Variants in LAMA5 observed in about 807,000 individuals in gnomAD.
LAMA5 encodes laminin subunit alpha-5.
LAMA5 carries 260 observed loss-of-function variants against 433.4 expected under a neutral mutation model. The ratio of observed to expected loss-of-function variants is 0.60; its 90% CI spans 0.54 to 0.66. The LOEUF (loss-of-function observed/expected upper bound fraction) is 0.66. LAMA5 is among the 30% of genes least tolerant of loss of function. The pLI, the probability that LAMA5 is intolerant of heterozygous loss-of-function variation, is 0.00. For synonymous variants in LAMA5, 2,620 were observed against 2,226.6 expected (o/e 1.18, Z -4.97); for missense variants, 5,378 against 5,258.5 (o/e 1.02, Z -0.70).
rs760609224 is a variant in LAMA5 at position 62,362,528 on chromosome 20, C to T, written c.322G>A (p.Ala108Thr). ...GGGTGTGCCTTGTTGCTGTTGGCAG[C>T]CGTGCAGATGTCACAGTACTGGCCC... ...IRGQYCDICT[A>T]ANSNKAHPAS... is the part of the protein sequence containing the mutation. Residue 108 changes from alanine to threonine, a missense_variant, in exon 2 of 80, where the codon GCT (alanine) becomes ACT (threonine). Physicochemically the swap from Ala to Thr is moderately conservative, Grantham distance 58. Transcript: ENST00000252999. 2 of 1,598,038 alleles carry T rather than the reference C, an allele frequency of 1.3e-6. No individual in the cohort carries two copies. Among genetic ancestry groups the T allele is most frequent in the East Asian group, 2.3e-5 (1 of 44,024 alleles).
chr20:62,317,657 C>G lies in LAMA5; in HGVS notation c.7356+5G>C. On this transcript the variant is annotated splice_donor_5th_base_variant and intron_variant, in intron 54 of 79. Transcript: ENST00000252999. ...GTGGCGACAGGGGCCAGGGGCTGCA[C>G]TCACCTCCTTAGCCTGGTCCAGGCT... 6.4e-7 allele frequency: 1 copy of G among 1,566,478 alleles called. No homozygotes were observed. The highest frequency in any genetic ancestry group is 8.7e-7 in the Non-Finnish European group (1 of 1,155,558).
At position 62,352,432 on chromosome 20, in the gene LAMA5, C is replaced by G. The variant is rs559623933; in HGVS notation, c.569-72G>C. ...CTGGGTCCCCGCGGTGCCCGGGCCC[C>G]TTGACGTCTCCGGGCCTTGCCACTG... On this transcript the variant is annotated intron_variant, in intron 3 of 79. Coordinates refer to ENST00000252999, the MANE Select transcript of LAMA5 (RefSeq NM_005560.6). The G allele has an allele frequency of 1.1e-4, 123 of 1,154,802 alleles. No individual in the cohort carries two copies. The African/African-American group carries it at 1.8e-3, about 17-fold the overall frequency. 71.5% of individuals were successfully genotyped at this position (1,154,802 alleles called of 1,614,324 possible). A position where few individuals can be genotyped will look rare whatever the true frequency, so the allele number is the denominator to read the frequency against.
At position 62,320,893 on chromosome 20, in the gene LAMA5, G is replaced by A. The variant is rs576759483; in HGVS notation, c.6497-3C>T. The A allele has an allele frequency of 1.7e-5, 27 of 1,604,126 alleles. No individual in the cohort carries two copies. The Middle Eastern group carries it at 8.3e-4, about 49-fold the overall frequency. On this transcript the variant is annotated splice_region_variant and splice_polypyrimidine_tract_variant and intron_variant, in intron 48 of 79. Transcript: ENST00000252999. The stretch of plus-strand genomic sequence containing the variant: ...CAGGACCACACAGTGGTCACACACT[G>A]CAGGCGATGTGGGGTCACAGGTCAG...
rs1329239575 is a variant in LAMA5 at position 62,352,002 on chromosome 20, C to T, written c.765G>A (p.Lys255=). The part of the protein sequence containing the change: ...SYSPLLREFT[K]ATNVRLRFLR... ...GGAAGCGCAGGCGGACGTTGGTGGC[C>T]TTGGTGAACTCACGTAGCAGCGGCG... The change falls in exon 5 of 80, where the codon AAG becomes AAA. Residue 255 remains lysine, a synonymous_variant. Coordinates refer to ENST00000252999, the MANE Select transcript of LAMA5 (RefSeq NM_005560.6). 10 of 1,612,682 alleles carry T rather than the reference C, an allele frequency of 6.2e-6. No homozygotes were observed. The highest frequency in any genetic ancestry group is 8.5e-6 in the Non-Finnish European group (10 of 1,179,940).
chr20:62,325,132 AC>A, intron 41 of LAMA5, 183 bp downstream of exon 41: 1 of 570,382 alleles, frequency 1.8e-6, no homozygotes, highest in Non-Finnish European at 3.1e-6. Flanking sequence ...GGGCAGGCAG[AC>A]AGGCAGCAGG....
chr20:62,320,221 G>A (rs1442417256), intron 50 of LAMA5, among the ~76,000 whole-genome samples: 1 of 150,722 alleles, frequency 6.6e-6, no homozygotes, highest in East Asian at 2.0e-4. Flanking sequence ...AGGAGGCTGA[G>A]GCAGGAGAAT....
chr20:62,332,249 G>A, intron 28 of LAMA5, 123 bp downstream of exon 28: 1 of 689,874 alleles, frequency 1.4e-6, no homozygotes, highest in Non-Finnish European at 2.6e-6. Context: ...TGCTGGGCTG[G>A]GCATGAGCGA....
rs1979106934 is a variant in LAMA5, at chr20:62,325,392, G to A, written c.5453C>T (p.Pro1818Leu). The part of the protein sequence containing the change: ...LRRVALEVAS[P>L]AGQGALASNV... Reference sequence around the variant, plus strand: ...GCTGGCCAGGGCCCCCTGGCCTGCTGGGCTGGCCACCTCCAGTGCCACCCT... The same window carrying A: ...GCTGGCCAGGGCCCCCTGGCCTGCTAGGCTGGCCACCTCCAGTGCCACCCT... Residue 1818 changes from proline to leucine, a missense_variant, in exon 41 of 80, where the codon CCA becomes CTA. Pro to Leu is a moderately conservative substitution (Grantham distance 98, BLOSUM62 -3). Transcript: ENST00000252999. 1 of 1,611,600 alleles carries A rather than the reference G, an allele frequency of 6.2e-7. No homozygotes were observed. The highest frequency in any genetic ancestry group is 1.3e-5 in the African/African-American group (1 of 74,890).
At chr20:62,320,232 C>T (rs1050930219) in intron 50 of LAMA5, among the ~76,000 whole-genome samples, 4 of 145,698 alleles carry the variant, frequency 2.7e-5, no homozygotes, top group African/African-American at 7.6e-5. Flanking sequence ...GCAGGAGAAT[C>T]GCTTGAACCC....
chr20:62,365,543 C>A (rs1243117774), intron 1 of LAMA5, among the ~76,000 whole-genome samples: 1 of 152,200 alleles, frequency 6.6e-6, no homozygotes, highest in East Asian at 1.9e-4. Context: ...CCTGGAGCCT[C>A]CCCTGCCAGA....
Position 62,367,215 on chromosome 20 carries a change from G to A in LAMA5, c.31C>T (p.Leu11=). The A allele has an allele frequency of 8.3e-7, 1 of 1,210,876 alleles. No individual in the cohort carries two copies. The highest frequency in any genetic ancestry group is 3.3e-5 in the South Asian group (1 of 30,418). 75.0% of individuals were successfully genotyped at this position (1,210,876 alleles called of 1,614,324 possible). MAKRLCAGSA[L]CVRGPRGPAP... ...GGGCCCCGGGGGCCGCGAACACACA[G>A]TGCGCTCCCCGCGCAGAGCCGCTTC... Residue 11 remains leucine, a synonymous_variant, in exon 1 of 80, where the codon CTG becomes TTG. Transcript: ENST00000252999.
rs776258739 is a variant in LAMA5, at chr20:62,362,359, C to A, written c.450+41G>T. ...CCAAGGTAGGCCCGACGGGCACAGACACAGAGATGGGGGCTGCAGCACGCA... is the reference window on the plus strand; with the variant it reads ...CCAAGGTAGGCCCGACGGGCACAGAAACAGAGATGGGGGCTGCAGCACGCA... On this transcript the variant is annotated intron_variant, in intron 2 of 79. Transcript: ENST00000252999. 3 of 1,431,826 alleles carry A rather than the reference C, an allele frequency of 2.1e-6. No individual in the cohort carries two copies. In the South Asian group the frequency reaches 4.7e-5, roughly 23 times the overall value. 88.7% of individuals were successfully genotyped at this position (1,431,826 alleles called of 1,614,324 possible).
chr20:62,310,740 CT>C lies in LAMA5; in HGVS notation c.10370del (p.Gln3457ArgfsTer27). 1.3e-6 allele frequency: 2 copies of C among 1,580,716 alleles called. No homozygotes were observed. The highest frequency in any genetic ancestry group is 1.2e-5 in the South Asian group (1 of 86,510). On this transcript the variant is annotated frameshift_variant, in exon 75 of 80. Coordinates refer to ENST00000252999, the MANE Select transcript of LAMA5 (RefSeq NM_005560.6). LOFTEE classifies it high-confidence loss of function. Reference sequence around the variant, plus strand: ...TGTGGGGCTGGGGGTGCTCTGCCCCCTGGTGCTGCCGGTGCGGCCCCTCCTG... The same window carrying C: ...TGTGGGGCTGGGGGTGCTCTGCCCCCGGTGCTGCCGGTGCGGCCCCTCCTG... ...WSQEGPHRQH[Q>X]GAEHPQPHTL...
Position 62,317,313 on chromosome 20 carries a change from G to A in LAMA5, c.7511+32C>T, listed in dbSNP as rs1418133028. On this transcript the variant is annotated intron_variant, in intron 55 of 79. Transcript: ENST00000252999. ...AGGCCCTGTCTGCATCCCCAGGGTGGGCCCAGGGCCCCTCCTCTCCTGGCC... is the reference window on the plus strand; with the variant it reads ...AGGCCCTGTCTGCATCCCCAGGGTGAGCCCAGGGCCCCTCCTCTCCTGGCC... 3.8e-6 allele frequency: 6 copies of A among 1,568,774 alleles called. No individual in the cohort carries two copies. The Admixed American group carries it at 1.1e-4, about 29-fold the overall frequency.
intron 2 of LAMA5, among the ~76,000 whole-genome samples, chr20:62,361,923 C>G (rs1462173926): frequency 6.6e-6 from 1 of 152,202 alleles, no homozygotes; most frequent in African/African-American, 2.4e-5. Context: ...GGAGAGCAGG[C>G]ACCCGACCCC....
intron 11 of LAMA5, chr20:62,345,595 C>T (rs1303925873): frequency 1.5e-6 from 1 of 667,700 alleles, no homozygotes; most frequent in East Asian, 2.8e-5. Flanking sequence ...GCTGTAGAGA[C>T]AGGGTTTTAC....
chr20:62,316,676 C>T lies in LAMA5; in HGVS notation c.7751G>A (p.Gly2584Asp), dbSNP rs1163527537. The T allele has an allele frequency of 1.3e-6, 2 of 1,594,558 alleles. No individual in the cohort carries two copies. The highest frequency in any genetic ancestry group is 2.7e-5 in the African/African-American group (2 of 74,534). Reference protein sequence around the residue: ...EAMLQEQQRLGLVWAALQGAR... With the variant: ...EAMLQEQQRLDLVWAALQGAR... ...CATCGGAGCCCAGCACTCACCAAGG[C>T]CCAGCCTCTGCTGTTCCTGGAGCAT... The change falls in exon 57 of 80, where the codon GGC becomes GAC. Residue 2584 changes from glycine to aspartate, a missense_variant. Coordinates refer to ENST00000252999, the MANE Select transcript of LAMA5 (RefSeq NM_005560.6).
At position 62,327,411 on chromosome 20, in the gene LAMA5, G is replaced by T. The variant is rs764085634; in HGVS notation, c.4939-5C>A. Reference sequence around the variant, plus strand: ...CCATCCCTCCATATCCACGAACTGTGGGCACACACGTGTGGCTGCACACGG... The same window carrying T: ...CCATCCCTCCATATCCACGAACTGTTGGCACACACGTGTGGCTGCACACGG... On this transcript the variant is annotated splice_region_variant and splice_polypyrimidine_tract_variant and intron_variant, in intron 37 of 79. Coordinates refer to ENST00000252999, the MANE Select transcript of LAMA5 (RefSeq NM_005560.6). The T allele has an allele frequency of 2.6e-5, 41 of 1,587,132 alleles. No homozygotes were observed. In the South Asian group the frequency reaches 4.6e-4, roughly 18 times the overall value.
chr20:62,311,870 GCGGGCGTCCCT>G (rs1351118272), intron 70 of LAMA5, 39 bp downstream of exon 70: 3 of 1,573,852 alleles, frequency 1.9e-6, no homozygotes, highest in Non-Finnish European at 2.6e-6. Flanking sequence ...GCAAGTGCAG[GCGGGCGTCCCT>G]CCAGACCTTC....
Sources: gnomAD v4.1 joint callset for allele counts (sites outside exome capture counted in the v4.1 genomes callset) on GRCh38, gnomAD v4.1.1 for gene constraint, MANE v1.5 for transcripts, NCBI Gene and HGNC (gene_info 2026-07-23, HGNC 2026-07-21) for gene names.